Variants in LUZP2 observed in about 807,000 individuals in gnomAD.
LUZP2 encodes the protein leucine zipper protein 2.
LUZP2 carries 52 observed loss-of-function variants against 51.6 expected under a neutral mutation model. That is an observed-to-expected ratio of 1.01 (90% CI 0.81 to 1.27). The LOEUF (loss-of-function observed/expected upper bound fraction) is 1.27. Ranked by LOEUF, LUZP2 falls within the 50% of genes most tolerant of loss-of-function variation. LUZP2 has a pLI of 0.00. For synonymous variants in LUZP2, 154 were observed against 137.3 expected, an observed-to-expected ratio of 1.12 and a Z score of -0.85; for missense variants, 436 against 395.4, an observed-to-expected ratio of 1.10 and a Z score of -0.87.
At chr11:24,803,828 G>T (rs1849768163) in intron 5 of LUZP2, among the ~76,000 whole-genome samples, 1 of 151,942 alleles carries the variant, frequency 6.6e-6, no homozygotes, top group Non-Finnish European at 1.5e-5. Context: ...TTATCAATAA[G>T]TGGCACAATA....
At chr11:25,077,201 G>A in intron 10 of LUZP2, 128 bp from the exon 11 acceptor site, 1 of 722,342 alleles carries the variant, frequency 1.4e-6, no homozygotes. Context: ...CCTAGCTTTT[G>A]CCCTTTCAGT....
chr11:24,700,569 G>A (rs549990402), intron 1 of LUZP2, among the ~76,000 whole-genome samples: 33 of 134,390 alleles, frequency 2.5e-4, no homozygotes, highest in African/African-American at 7.4e-4. Flanking sequence ...ACCCAGGAAA[G>A]CAGAAATTGT....
intron 1 of LUZP2, among the ~76,000 whole-genome samples, chr11:24,709,732 A>G (rs1857744645): frequency 6.6e-6 from 1 of 152,162 alleles, no homozygotes. Context: ...ACAGCCTTCC[A>G]TTGCACCTTT....
intron 1 of LUZP2, among the ~76,000 whole-genome samples, chr11:24,697,411 G>T (rs1857283116): frequency 6.6e-6 from 1 of 152,162 alleles, no homozygotes; most frequent in South Asian, 2.1e-4. Context: ...TATGCTCCAA[G>T]AACTTCAAGA....
At chr11:24,770,621 T>G (rs1860373003) in intron 5 of LUZP2, among the ~76,000 whole-genome samples, 1 of 152,308 alleles carries the variant, frequency 6.6e-6, no homozygotes, top group South Asian at 2.1e-4. Flanking sequence ...CTTGCACAAT[T>G]CAAGTCACTG....
At chr11:24,774,362 C>CTCTCTCTCTCTCTCTCTATATATATA (rs776739280) in intron 5 of LUZP2, among the ~76,000 whole-genome samples, 1 of 76,388 alleles carries the variant, frequency 1.3e-5, no homozygotes, top group East Asian at 4.8e-4. Context: ...CTCTCTCTCT[C>CTCTCTCTCTCTCTCTCTATATATATA]TATATATATA....
chr11:24,696,365 G>A (rs1187907223), intron 1 of LUZP2, among the ~76,000 whole-genome samples: 1 of 152,002 alleles, frequency 6.6e-6, no homozygotes, highest in Non-Finnish European at 1.5e-5. Context: ...ATGCTTATTT[G>A]TTATTTTTCT....
chr11:24,570,618 G>T (rs1385331548), intron 1 of LUZP2, among the ~76,000 whole-genome samples: 1 of 151,966 alleles, frequency 6.6e-6, no homozygotes, highest in African/African-American at 2.4e-5. Flanking sequence ...TTCAGCAACG[G>T]CTTTAATAAA....
chr11:24,546,535 G>A (rs7125072), intron 1 of LUZP2, among the ~76,000 whole-genome samples: 63,699 of 151,840 alleles, frequency 0.42, 13,866 homozygotes, highest in African/African-American at 0.51. Context: ...TGATCATGTG[G>A]GTATTGTTTT....
chr11:25,069,391 A>G (rs2040707803), intron 10 of LUZP2, among the ~76,000 whole-genome samples: 2 of 151,982 alleles, frequency 1.3e-5, no homozygotes, highest in Admixed American at 6.6e-5. Flanking sequence ...CATGAAATAT[A>G]CATCAAATCA....
intron 7 of LUZP2, among the ~76,000 whole-genome samples, chr11:24,974,876 T>C (rs1855842262): frequency 6.6e-6 from 1 of 152,004 alleles, no homozygotes; most frequent in South Asian, 2.1e-4. Flanking sequence ...GAAAATAATG[T>C]TGTGCATTAT....
At chr11:24,924,653 A>G (rs1295594100) in intron 7 of LUZP2, among the ~76,000 whole-genome samples, 1 of 152,188 alleles carries the variant, frequency 6.6e-6, no homozygotes, top group Non-Finnish European at 1.5e-5. Context: ...AATCCTGAGA[A>G]TGTGTGCTCA....
chr11:24,723,111 C>G (rs1274022089), intron 1 of LUZP2, among the ~76,000 whole-genome samples: 1 of 152,038 alleles, frequency 6.6e-6, no homozygotes, highest in African/African-American at 2.4e-5. Flanking sequence ...ATATAAAAAT[C>G]ACCTTTAGTA....
intron 1 of LUZP2, among the ~76,000 whole-genome samples, chr11:24,549,031 G>T (rs1194653760): frequency 6.6e-6 from 1 of 151,766 alleles, no homozygotes; most frequent in Admixed American, 6.6e-5. Context: ...TCTTCAATAA[G>T]AAATTAACCT....
At chr11:24,697,588 A>G (rs1857287946) in intron 1 of LUZP2, among the ~76,000 whole-genome samples, 2 of 152,210 alleles carry the variant, frequency 1.3e-5, no homozygotes, top group East Asian at 3.9e-4. Flanking sequence ...AGCAAGGGCG[A>G]TAATAGCTCC....
At position 24,764,490 on chromosome 11, in the gene LUZP2, TAA is replaced by T. The variant is rs869045272; in HGVS notation, c.396+1207_396+1208del. ...GGACAACATGGTAAAATCTCATCTC[TAA>T]AAAAAAAAAAAAAAAAAAAAAAAAT... On this transcript the variant is annotated intron_variant, in intron 5 of 11. Coordinates refer to ENST00000336930, the MANE Select transcript of LUZP2 (RefSeq NM_001009909.4). Among the ~76,000 whole-genome samples the T allele has an allele frequency of 2.4e-3, 230 of 94,012 alleles. 4 individuals carry two copies. The highest frequency in any genetic ancestry group is 5.0e-3 in the East Asian group (15 of 2,972). 61.7% of individuals were successfully genotyped at this position (94,012 alleles called of 152,430 possible).
chr11:24,500,891 G>A (rs1287576538), intron 1 of LUZP2, among the ~76,000 whole-genome samples: 1 of 152,138 alleles, frequency 6.6e-6, no homozygotes, highest in East Asian at 1.9e-4. Flanking sequence ...ATATATTGAA[G>A]ATGCCCCGGG....
At chr11:24,776,350 C>A in intron 5 of LUZP2, among the ~76,000 whole-genome samples, 1 of 149,478 alleles carries the variant, frequency 6.7e-6, no homozygotes, top group South Asian at 2.1e-4. Context: ...CTGAGTCAAC[C>A]ACCATGGTCA....
rs374194022 is a variant in LUZP2 at position 24,689,227 on chromosome 11, AT to A, written c.63-39935del. On this transcript the variant is annotated intron_variant, in intron 1 of 11. Coordinates refer to ENST00000336930, the MANE Select transcript of LUZP2 (RefSeq NM_001009909.4). ...ACATTGGCATGGTTCCAAGGTTTGC[AT>A]TTTTTTCCCCCTAATTCTTCCCTTG... Among the ~76,000 whole-genome samples the A allele has an allele frequency of 1.1e-3, 166 of 152,144 alleles. 1 individual carries two copies. Among genetic ancestry groups the A allele is most frequent in the South Asian group, 6.6e-3 (32 of 4,820 alleles).
Sources: gnomAD v4.1 joint callset for allele counts (sites outside exome capture counted in the v4.1 genomes callset) on GRCh38, gnomAD v4.1.1 for gene constraint, MANE v1.5 for transcripts, NCBI Gene and HGNC (gene_info 2026-07-23, HGNC 2026-07-21) for gene names.